Variants in CTNNA2 observed in about 807,000 individuals in gnomAD.
CTNNA2 encodes the protein catenin alpha-2.
In CTNNA2, 42 loss-of-function variants were observed where a neutral mutation model predicts 101.0. That is an observed-to-expected ratio of 0.42 (90% CI 0.32 to 0.54). The LOEUF is 0.54. Ranked by LOEUF, CTNNA2 falls within the 20% of genes least tolerant of loss-of-function variation. CTNNA2 has a pLI of 0.14. For missense variants in CTNNA2, 871 were observed against 1,223.1 expected (o/e 0.71, Z 4.29); for synonymous variants, 450 against 456.4 (o/e 0.99, Z 0.18).
At chr2:80,359,501 C>G (rs72813655) in intron 7 of CTNNA2, among the ~76,000 whole-genome samples, 259 of 152,194 alleles carry the variant, frequency 1.7e-3, no homozygotes, top group Non-Finnish European at 2.4e-3. Flanking sequence ...TAGCACCCCC[C>G]CTTTGGTGCT....
At chr2:79,693,079 G>A (rs1283395609) in intron 2 of CTNNA2, among the ~76,000 whole-genome samples, 2 of 151,812 alleles carry the variant, frequency 1.3e-5, no homozygotes, top group Non-Finnish European at 2.9e-5. Flanking sequence ...TATTAGACAT[G>A]CCATAATTAT....
chr2:80,070,496 CAGG>C (rs569349717), intron 7 of CTNNA2, among the ~76,000 whole-genome samples: 121 of 152,104 alleles, frequency 8.0e-4, no homozygotes, highest in African/African-American at 2.7e-3. Context: ...GTCTTGAGCC[CAGG>C]AGTTTAACAC....
intron 3 of CTNNA2, among the ~76,000 whole-genome samples, chr2:79,814,681 A>C (rs986848145): frequency 2.0e-5 from 3 of 151,396 alleles, no homozygotes; most frequent in African/African-American, 4.9e-5. Context: ...TCATTGATTG[A>C]TGGGCATTTG....
chr2:79,843,240 C>T (rs1052187848), intron 3 of CTNNA2, among the ~76,000 whole-genome samples: 1 of 152,222 alleles, frequency 6.6e-6, no homozygotes, highest in African/African-American at 2.4e-5. Flanking sequence ...CATGCATTTA[C>T]ACCTGAAAGG....
intron 9 of CTNNA2, among the ~76,000 whole-genome samples, chr2:80,508,720 G>A (rs1475664154): frequency 6.7e-6 from 1 of 149,498 alleles, no homozygotes. Flanking sequence ...TTGTGTTTAT[G>A]TAGTGAAGGA....
intron 2 of CTNNA2, among the ~76,000 whole-genome samples, chr2:79,742,901 T>C (rs1213028457): frequency 6.6e-6 from 1 of 152,184 alleles, no homozygotes; most frequent in Admixed American, 6.5e-5. Context: ...TAAGTATTGG[T>C]TCTATCTATA....
intron 4 of CTNNA2, among the ~76,000 whole-genome samples, chr2:79,387,320 T>A (rs1678116277): frequency 6.6e-6 from 1 of 152,198 alleles, no homozygotes; most frequent in Non-Finnish European, 1.5e-5. Context: ...CCAGATCTTG[T>A]TAATAATGCT....
intron 2 of CTNNA2, chr2:79,292,990 C>T (rs1675865379): frequency 6.6e-6 from 1 of 152,250 alleles, no homozygotes; most frequent in Admixed American, 6.5e-5. Context: ...TGCAGCCACC[C>T]ATATGTCACC....
chr2:80,147,207 C>T (rs1334908534), intron 7 of CTNNA2, among the ~76,000 whole-genome samples: 1 of 151,968 alleles, frequency 6.6e-6, no homozygotes, highest in South Asian at 2.1e-4. Flanking sequence ...TTCAGGTGAT[C>T]CACCGGCCTT....
Position 80,215,627 on chromosome 2 carries a change from C to T in CTNNA2, c.1057-177584C>T, listed in dbSNP as rs373460407. ...TGCCTGATCCTTCCTCTGGAAGCTT[C>T]GTCTCAGAGGGGCACCTGGCTGTAT... On this transcript the variant is annotated intron_variant, in intron 7 of 18. Coordinates refer to ENST00000402739, the MANE Select transcript of CTNNA2 (RefSeq NM_001282597.3). Among the ~76,000 whole-genome samples, 116 of 152,264 alleles carry T rather than the reference C, an allele frequency of 7.6e-4. 1 individual carries two copies. The Middle Eastern group carries it at 0.014, about 18-fold the overall frequency.
intron 2 of CTNNA2, among the ~76,000 whole-genome samples, chr2:79,306,628 A>G (rs556558539): frequency 2.6e-5 from 4 of 152,298 alleles, no homozygotes; most frequent in African/African-American, 7.2e-5. Flanking sequence ...TTTTTGCCCC[A>G]TTTATGCATA....
chr2:79,429,613 T>C (rs1467416654), intron 4 of CTNNA2, among the ~76,000 whole-genome samples: 3 of 152,104 alleles, frequency 2.0e-5, no homozygotes, highest in Non-Finnish European at 4.4e-5. Flanking sequence ...TAATAAAATA[T>C]TCACCATAAA....
chr2:79,285,195 A>G (rs954587022), intron 2 of CTNNA2, among the ~76,000 whole-genome samples: 1 of 151,404 alleles, frequency 6.6e-6, no homozygotes, highest in Admixed American at 6.6e-5. Flanking sequence ...TGATCCTTTC[A>G]AAAAACCAGC....
chr2:79,860,076 G>A (rs72809761), intron 4 of CTNNA2, among the ~76,000 whole-genome samples: 2,240 of 152,238 alleles, frequency 0.015, 22 homozygotes, highest in Non-Finnish European at 0.023. Flanking sequence ...GTCTGTCTCT[G>A]TTATATCCAT....
intron 7 of CTNNA2, among the ~76,000 whole-genome samples, chr2:80,069,339 T>C (rs1698180200): frequency 6.6e-6 from 1 of 152,208 alleles, no homozygotes; most frequent in Admixed American, 6.5e-5. Context: ...TTTTGCCAGC[T>C]ACCTAGGCAT....
chr2:79,423,088 T>C (rs1236243245), intron 4 of CTNNA2, among the ~76,000 whole-genome samples: 2 of 152,178 alleles, frequency 1.3e-5, no homozygotes, highest in Non-Finnish European at 2.9e-5. Context: ...ACCAGTAGAA[T>C]AGAGTTTCTG....
chr2:80,297,195 T>TGAG (rs1251557649), intron 7 of CTNNA2, among the ~76,000 whole-genome samples: 1 of 152,204 alleles, frequency 6.6e-6, no homozygotes, highest in Non-Finnish European at 1.5e-5. Context: ...GTGTTGAGCA[T>TGAG]GTATCCTGTT....
chr2:80,174,623 A>G lies in CTNNA2; in HGVS notation c.1057-218588A>G, dbSNP rs141626788. Among the ~76,000 whole-genome samples, 342 of 152,262 alleles carry G rather than the reference A, an allele frequency of 2.2e-3. 3 individuals carry two copies. Among genetic ancestry groups the G allele is most frequent in the African/African-American group, 7.6e-3 (315 of 41,548 alleles). On this transcript the variant is annotated intron_variant, in intron 7 of 18. Transcript: ENST00000402739. ...GAAGCCAATCTTGAAGGTCACAAAG[A>G]CACCCCAAACTCAACATATTCAAAT...
chr2:80,102,997 C>T (rs1222906699), intron 7 of CTNNA2, among the ~76,000 whole-genome samples: 1 of 152,142 alleles, frequency 6.6e-6, no homozygotes, highest in Non-Finnish European at 1.5e-5. Flanking sequence ...GCAAGAGTCC[C>T]AGTGAGTGAG....
Sources: gnomAD v4.1 joint callset for allele counts (sites outside exome capture counted in the v4.1 genomes callset) on GRCh38, gnomAD v4.1.1 for gene constraint, MANE v1.5 for transcripts, NCBI Gene and HGNC (gene_info 2026-07-23, HGNC 2026-07-21) for gene names.